ZBTB46: variants seen among roughly 807,000 people sequenced by gnomAD.
ZBTB46 encodes the protein zinc finger and BTB domain-containing protein 46.
A neutral mutation model predicts 44.1 loss-of-function variants in ZBTB46; 8 were observed. The ratio of observed to expected loss-of-function variants is 0.18; its 90% CI spans 0.11 to 0.33. The LOEUF is 0.33. Among genes scored for constraint, ZBTB46 ranks in the 10% least tolerant of loss-of-function variants. The pLI, the probability that ZBTB46 is intolerant of heterozygous loss-of-function variation, is 1.00. For synonymous variants in ZBTB46, 409 were observed against 382.3 expected (o/e 1.07, Z -0.81); for missense variants, 651 against 847.7 (o/e 0.77, Z 2.88).
chr20:63,815,736 TGCA>T (rs2092748677), intron 1 of ZBTB46, among the ~76,000 whole-genome samples: 2 of 132,250 alleles, frequency 1.5e-5, no homozygotes, highest in Non-Finnish European at 3.2e-5. Context: ...GTGCAGTAGG[TGCA>T]GGTGAGCACA....
chr20:63,743,991 G>A lies in ZBTB46; in HGVS notation c.*2939C>T, dbSNP rs1237579414. The A allele has an allele frequency of 2.0e-5, 3 of 152,070 alleles. No individual in the cohort carries two copies. Among genetic ancestry groups the A allele is most frequent in the African/African-American group, 7.3e-5 (3 of 41,026 alleles). 9.4% of individuals were successfully genotyped at this position (152,070 alleles called of 1,614,324 possible). On this transcript the variant is annotated 3_prime_UTR_variant, in exon 5 of 5. Coordinates refer to ENST00000245663, the MANE Select transcript of ZBTB46 (RefSeq NM_001369741.1). Reference sequence around the variant, plus strand: ...TTCAAACACTGCCCTTTTTTTGTGTGTTTTGTTTTTGTTGACAGGTTGAAA... The same window carrying A: ...TTCAAACACTGCCCTTTTTTTGTGTATTTTGTTTTTGTTGACAGGTTGAAA...
intron 1 of ZBTB46, among the ~76,000 whole-genome samples, chr20:63,802,213 A>C (rs966605106): frequency 6.6e-6 from 1 of 152,148 alleles, no homozygotes; most frequent in African/African-American, 2.4e-5. Flanking sequence ...GCTTGAGGCC[A>C]GGAGTTTGAG....
At chr20:63,805,604 C>A (rs1206232103) in intron 1 of ZBTB46, among the ~76,000 whole-genome samples, 1 of 152,180 alleles carries the variant, frequency 6.6e-6, no homozygotes, top group African/African-American at 2.4e-5. Flanking sequence ...CCTGGAGTCT[C>A]CAGAGGGAGC....
intron 3 of ZBTB46, among the ~76,000 whole-genome samples, chr20:63,761,354 C>T (rs1285421856): frequency 6.6e-6 from 1 of 152,122 alleles, no homozygotes; most frequent in African/African-American, 2.4e-5. Flanking sequence ...ATTTGCTATG[C>T]TTTTTCTTCT....
At chr20:63,792,975 G>C (rs756694696) in intron 1 of ZBTB46, among the ~76,000 whole-genome samples, 7 of 152,202 alleles carry the variant, frequency 4.6e-5, no homozygotes, top group East Asian at 3.8e-4. Context: ...CCCACAGCCG[G>C]TGTTGCCTGC....
At chr20:63,817,223 T>TA (rs1462840277) in intron 1 of ZBTB46, among the ~76,000 whole-genome samples, 2 of 151,884 alleles carry the variant, frequency 1.3e-5, no homozygotes, top group African/African-American at 4.8e-5. Flanking sequence ...ATGGGCCACA[T>TA]AGGGAGACCC....
chr20:63,811,767 C>G (rs900933752), intron 1 of ZBTB46, among the ~76,000 whole-genome samples: 1 of 152,184 alleles, frequency 6.6e-6, no homozygotes, highest in African/African-American at 2.4e-5. Context: ...ACTCACTGGG[C>G]AGGTGAGCCA....
chr20:63,797,895 G>A (rs1387938261), intron 1 of ZBTB46, among the ~76,000 whole-genome samples: 1 of 152,170 alleles, frequency 6.6e-6, no homozygotes, highest in East Asian at 1.9e-4. Flanking sequence ...TGTAGATTCT[G>A]GATATTCGCC....
intron 2 of ZBTB46, among the ~76,000 whole-genome samples, chr20:63,788,796 G>A (rs1308577253): frequency 3.3e-5 from 5 of 150,676 alleles, no homozygotes; most frequent in African/African-American, 4.9e-5. Flanking sequence ...CCGAGATCAC[G>A]TCACTGCACT....
chr20:63,804,693 A>G (rs2145997580), intron 1 of ZBTB46, among the ~76,000 whole-genome samples: 1 of 152,124 alleles, frequency 6.6e-6, no homozygotes, highest in African/African-American at 2.4e-5. Context: ...AGAGATCGAG[A>G]CCAGCCTGGC....
At chr20:63,813,088 C>T (rs969849675) in intron 1 of ZBTB46, among the ~76,000 whole-genome samples, 3 of 149,240 alleles carry the variant, frequency 2.0e-5, no homozygotes, top group African/African-American at 7.5e-5. Context: ...GAGTGAGACT[C>T]CGTCTCAAAA....
At chr20:63,760,999 CTTTTT>C (rs372831458) in intron 3 of ZBTB46, among the ~76,000 whole-genome samples, 1 of 127,912 alleles carries the variant, frequency 7.8e-6, no homozygotes, top group African/African-American at 2.9e-5. Context: ...ATTGATAGCT[CTTTTT>C]TTTTTTTTTT....
chr20:63,754,318 G>A (rs1404406033), intron 3 of ZBTB46, among the ~76,000 whole-genome samples: 6 of 152,064 alleles, frequency 3.9e-5, no homozygotes, highest in Admixed American at 1.3e-4. Flanking sequence ...TACCGCCACC[G>A]TCCCCCAGGC....
At chr20:63,769,428 C>A (rs1224710304) in intron 3 of ZBTB46, 1 of 985,290 alleles carries the variant, frequency 1.0e-6, no homozygotes, top group African/African-American at 1.7e-5. Flanking sequence ...GGAACGCGCA[C>A]CAGCTGCTGG....
chr20:63,799,138 C>A lies in ZBTB46; in HGVS notation c.-33-8348G>T, dbSNP rs548165168. Among the ~76,000 whole-genome samples, 5 of 152,018 alleles carry A rather than the reference C, an allele frequency of 3.3e-5. No homozygotes were observed. In the East Asian group the frequency reaches 9.8e-4, roughly 30 times the overall value. ...CTCCACCTCCCGGGCTCAAGCAATT[C>A]TCCCACCTCAGCCCCCTGAGTAGCT... On this transcript the variant is annotated intron_variant, in intron 1 of 4. Coordinates refer to ENST00000245663, the MANE Select transcript of ZBTB46 (RefSeq NM_001369741.1).
intron 3 of ZBTB46, 79 bp downstream of exon 3, chr20:63,775,599 C>A (rs947955168): frequency 6.7e-7 from 1 of 1,495,470 alleles, no homozygotes; most frequent in Non-Finnish European, 8.9e-7. Context: ...TCAGCCTCAT[C>A]TCATCTTGGC....
chr20:63,791,516 A>AG (rs1420162509), intron 1 of ZBTB46, among the ~76,000 whole-genome samples: 1 of 151,860 alleles, frequency 6.6e-6, no homozygotes, highest in African/African-American at 2.4e-5. Flanking sequence ...AAAAAAAAAA[A>AG]AAACTTCTTA....
chr20:63,785,238 AAG>A (rs1491490627), intron 2 of ZBTB46, among the ~76,000 whole-genome samples: 27,096 of 116,266 alleles, frequency 0.23, 2,767 homozygotes, highest in Middle Eastern at 0.29. Flanking sequence ...AAAAAAAAAA[AAG>A]AAAAGAAAAG....
intron 1 of ZBTB46, among the ~76,000 whole-genome samples, chr20:63,792,556 C>T (rs575434089): frequency 5.3e-5 from 8 of 152,012 alleles, no homozygotes; most frequent in Admixed American, 2.0e-4. Context: ...TCGCTCTGTC[C>T]CCCAGGCTGG....
Sources: gnomAD v4.1 joint callset for allele counts (sites outside exome capture counted in the v4.1 genomes callset) on GRCh38, gnomAD v4.1.1 for gene constraint, MANE v1.5 for transcripts, NCBI Gene and HGNC (gene_info 2026-07-23, HGNC 2026-07-21) for gene names.